The following BCL11B variants were observed in gnomAD, a reference collection of about 807,000 sequenced individuals.
The protein encoded by BCL11B is BCL11 transcription factor B.
In BCL11B, 8 loss-of-function variants were observed where a neutral mutation model predicts 49.9. The observed-to-expected ratio is 0.16, with a 90% CI of 0.09 to 0.29. The LOEUF (loss-of-function observed/expected upper bound fraction) is 0.29, where lower values mean the gene tolerates loss of function less well. BCL11B is among the 10% of genes least tolerant of loss of function. BCL11B has a pLI of 1.00. For synonymous variants in BCL11B, 739 were observed against 637.4 expected (o/e 1.16, Z -2.40); for missense variants, 1,006 against 1,351.0 (o/e 0.74, Z 4.00).
chr14:99,237,220 T>C (rs1445368723), intron 2 of BCL11B, among the ~76,000 whole-genome samples: 1 of 151,056 alleles, frequency 6.6e-6, no homozygotes, highest in African/African-American at 2.5e-5. Context: ...AGGTATTATT[T>C]CATTTCTTTT....
At chr14:99,197,421 T>A (rs1159980100) in intron 3 of BCL11B, among the ~76,000 whole-genome samples, 1 of 152,214 alleles carries the variant, frequency 6.6e-6, no homozygotes, top group East Asian at 1.9e-4. Flanking sequence ...GTCATTTTAT[T>A]TCTTTCTTTC....
At chr14:99,191,637 C>T (rs752059438) in intron 3 of BCL11B, among the ~76,000 whole-genome samples, 2 of 151,676 alleles carry the variant, frequency 1.3e-5, no homozygotes, top group Non-Finnish European at 1.5e-5. Flanking sequence ...CTCCGAGCCT[C>T]GTGAAGGGGG....
intron 3 of BCL11B, among the ~76,000 whole-genome samples, chr14:99,190,162 T>C (rs1245098416): frequency 1.3e-5 from 2 of 152,238 alleles, no homozygotes; most frequent in African/African-American, 4.8e-5. Flanking sequence ...CATAACATGA[T>C]TCACAGAAAC....
intron 3 of BCL11B, among the ~76,000 whole-genome samples, chr14:99,185,403 C>G (rs1041555126): frequency 4.0e-5 from 6 of 150,830 alleles, no homozygotes; most frequent in Non-Finnish European, 5.9e-5. Context: ...CACCACTGCA[C>G]TCCAGCCTGG....
At chr14:99,217,405 C>CACAT (rs1244687847) in intron 3 of BCL11B, among the ~76,000 whole-genome samples, 1 of 151,416 alleles carries the variant, frequency 6.6e-6, no homozygotes, top group Non-Finnish European at 1.5e-5. Flanking sequence ...CACACACACA[C>CACAT]ACACACACAC....
chr14:99,268,435 A>G (rs183609216), intron 1 of BCL11B, among the ~76,000 whole-genome samples: 1 of 152,254 alleles, frequency 6.6e-6, no homozygotes, highest in East Asian at 1.9e-4. Context: ...ATAAAGATGT[A>G]CCATGTTTTA....
intron 3 of BCL11B, among the ~76,000 whole-genome samples, chr14:99,186,474 C>T (rs961611983): frequency 7.9e-5 from 12 of 152,182 alleles, no homozygotes; most frequent in South Asian, 6.2e-4. Flanking sequence ...GAGCCGAGGT[C>T]GCACCACTGC....
chr14:99,267,813 C>T (rs983775932), intron 1 of BCL11B, among the ~76,000 whole-genome samples: 12 of 152,172 alleles, frequency 7.9e-5, no homozygotes, highest in African/African-American at 2.2e-4. Flanking sequence ...TGAATTCATA[C>T]GGAAAATTAC....
At chr14:99,201,885 CCTCT>C (rs1404305547) in intron 3 of BCL11B, among the ~76,000 whole-genome samples, 1 of 152,210 alleles carries the variant, frequency 6.6e-6, no homozygotes, top group Non-Finnish European at 1.5e-5. Context: ...CTGCACTCTT[CCTCT>C]CTATTTCTGG....
At chr14:99,201,339 C>G (rs1010677392) in intron 3 of BCL11B, among the ~76,000 whole-genome samples, 2 of 152,184 alleles carry the variant, frequency 1.3e-5, no homozygotes, top group African/African-American at 4.8e-5. Flanking sequence ...GGGCAGGACA[C>G]AAATGGTGAC....
chr14:99,245,744 G>T (rs1438860094), intron 2 of BCL11B, among the ~76,000 whole-genome samples: 2 of 152,286 alleles, frequency 1.3e-5, no homozygotes, highest in Non-Finnish European at 2.9e-5. Context: ...TCACCCACCC[G>T]GGAGAGCGCC....
chr14:99,234,855 CAAAAA>C (rs34831762), intron 2 of BCL11B, among the ~76,000 whole-genome samples: 8 of 66,638 alleles, frequency 1.2e-4, no homozygotes, highest in African/African-American at 1.8e-4. Flanking sequence ...GGTCTATGCA[CAAAAA>C]AAAAAAAAAA....
At chr14:99,181,676 G>A (rs1160480630) in intron 3 of BCL11B, among the ~76,000 whole-genome samples, 2 of 152,192 alleles carry the variant, frequency 1.3e-5, no homozygotes, top group East Asian at 3.9e-4. Flanking sequence ...GAGGAGAAGG[G>A]GAGACGTTTC....
chr14:99,177,541 T>C (rs952147289), intron 3 of BCL11B, among the ~76,000 whole-genome samples: 5 of 149,704 alleles, frequency 3.3e-5, no homozygotes, highest in African/African-American at 7.4e-5. Context: ...AGCATTGCAC[T>C]CACTAGCTGG....
intron 3 of BCL11B, among the ~76,000 whole-genome samples, chr14:99,176,693 T>G (rs1420962770): frequency 6.6e-6 from 1 of 152,102 alleles, no homozygotes. Context: ...GGGGCTGTCC[T>G]GCGCATTGCA....
At chr14:99,199,353 A>G (rs1286079490) in intron 3 of BCL11B, among the ~76,000 whole-genome samples, 1 of 152,178 alleles carries the variant, frequency 6.6e-6, no homozygotes, top group Non-Finnish European at 1.5e-5. Context: ...CAGCGTGCAG[A>G]GCCCTGAATC....
chr14:99,175,854 G>T lies in BCL11B; in HGVS notation c.982C>A (p.His328Asn), dbSNP rs1414019369. Residue 328 changes from histidine to asparagine, a missense_variant, in exon 4 of 4, where the codon CAC becomes AAC. By Grantham distance (68) the His-to-Asn change is moderately conservative. This residue lies in a region of BCL11B where 411 missense variants were observed against 542.2 expected (regional missense o/e 0.76). Transcript: ENST00000357195. ...SPPPRHHLDP[H>N]RLSAEEMGLV... ...CCCATCTCCTCGGCACTGAGGCGGTGCGGGTCCAGGTGGTGGCGCGGCGGG... is the reference window on the plus strand; with the variant it reads ...CCCATCTCCTCGGCACTGAGGCGGTTCGGGTCCAGGTGGTGGCGCGGCGGG... 2.7e-6 allele frequency: 4 copies of T among 1,478,614 alleles called. No individual in the cohort carries two copies. The South Asian group carries it at 5.7e-5, about 21-fold the overall frequency. The allele number at this position is 1,478,614 out of a possible 1,614,324, so 91.6% of individuals were successfully genotyped here.
At chr14:99,188,298 TG>T (rs1191783873) in intron 3 of BCL11B, among the ~76,000 whole-genome samples, 2 of 152,170 alleles carry the variant, frequency 1.3e-5, no homozygotes, top group Non-Finnish European at 2.9e-5. Context: ...ACCTTATGAA[TG>T]GGGGGAACAC....
intron 1 of BCL11B, among the ~76,000 whole-genome samples, chr14:99,267,961 CCTTCACCCTGGCCCTGT>C (rs1413660567): frequency 2.0e-5 from 3 of 152,174 alleles, no homozygotes; most frequent in African/African-American, 7.2e-5. Context: ...AGTACTCTTC[CCTTCACCCTGGCCCTGT>C]CTGGCACAGC....
Sources: allele counts gnomAD v4.1 joint callset (sites outside exome capture counted in the v4.1 genomes callset), GRCh38; gene constraint gnomAD v4.1.1; regional missense constraint gnomAD v4.1.1; transcripts MANE v1.5; gene names NCBI Gene and HGNC (gene_info 2026-07-23, HGNC 2026-07-21).